The following FBXL7 variants were observed in gnomAD, a reference collection of about 807,000 sequenced individuals.
The protein encoded by FBXL7 is F-box/LRR-repeat protein 7.
A neutral mutation model predicts 38.3 loss-of-function variants in FBXL7; 12 were observed. The ratio of observed to expected loss-of-function variants is 0.31; its 90% confidence interval spans 0.20 to 0.51. The LOEUF (loss-of-function observed/expected upper bound fraction) is 0.51, where lower values mean the gene tolerates loss of function less well. Ranked by LOEUF, FBXL7 falls within the 20% of genes least tolerant of loss-of-function variation. The probability of loss-of-function intolerance (pLI) is 0.98; values close to 1 mark genes in which losing one functional copy is unlikely to be tolerated. For synonymous variants in FBXL7, 297 were observed against 300.9 expected, an observed-to-expected ratio of 0.99 and a Z score of 0.13; for missense variants, 567 against 676.4, an observed-to-expected ratio of 0.84 and a Z score of 1.79.
intron 2 of FBXL7, among the ~76,000 whole-genome samples, chr5:15,730,573 A>G (rs889005990): frequency 3.9e-5 from 6 of 152,330 alleles, no homozygotes; most frequent in South Asian, 2.1e-4. Context: ...ATTTCTGTCA[A>G]TGTGGACTAC....
chr5:15,730,080 A>G (rs1004765948), intron 2 of FBXL7, among the ~76,000 whole-genome samples: 2 of 152,196 alleles, frequency 1.3e-5, no homozygotes, highest in African/African-American at 4.8e-5. Flanking sequence ...TATCGAGTTA[A>G]CAAGTTCAAT....
intron 2 of FBXL7, among the ~76,000 whole-genome samples, chr5:15,822,407 C>T (rs2126765319): frequency 6.6e-6 from 1 of 152,060 alleles, no homozygotes; most frequent in South Asian, 2.1e-4. Flanking sequence ...GTGGAGTGTG[C>T]AGACTCAGGC....
chr5:15,639,991 A>G lies in FBXL7; in HGVS notation c.127+23919A>G, dbSNP rs76333154. On this transcript the variant is annotated intron_variant, in intron 2 of 3. Coordinates refer to ENST00000504595, the MANE Select transcript of FBXL7 (RefSeq NM_012304.5). ...TTGAGGCAGGGGCAGTTATCCTAGG[A>G]TATTTAGAAAAAGGCTTATTTTTCC... Among the ~76,000 whole-genome samples, 1,313 of 152,170 alleles carry G rather than the reference A, an allele frequency of 8.6e-3. 16 individuals are homozygous for G. Among genetic ancestry groups the G allele is most frequent in the African/African-American group, 0.03 (1,247 of 41,506 alleles).
rs552870826 is a variant in FBXL7 at position 15,545,587 on chromosome 5, A to G, written c.37+44874A>G. Among the ~76,000 whole-genome samples the G allele has an allele frequency of 2.6e-5, 4 of 152,232 alleles. No homozygotes were observed. In the South Asian group the frequency reaches 8.3e-4, roughly 32 times the overall value. On this transcript the variant is annotated intron_variant, in intron 1 of 3. Transcript: ENST00000504595. ...ATTTCCCCCTTTCCTTAATACTGGC[A>G]TATAATTTATTGGTTTATTGATTTG...
chr5:15,864,667 A>G (rs1739628528), intron 2 of FBXL7, among the ~76,000 whole-genome samples: 1 of 152,182 alleles, frequency 6.6e-6, no homozygotes, highest in Non-Finnish European at 1.5e-5. Flanking sequence ...AGTGTCACAG[A>G]ACAAGTAGAA....
intron 2 of FBXL7, among the ~76,000 whole-genome samples, chr5:15,660,631 T>A (rs1742032617): frequency 6.6e-6 from 1 of 152,232 alleles, no homozygotes; most frequent in South Asian, 2.1e-4. Context: ...GTGCTGGGAT[T>A]ACAGGCGTGA....
chr5:15,701,619 T>TA (rs1034802246), intron 2 of FBXL7, among the ~76,000 whole-genome samples: 1 of 151,876 alleles, frequency 6.6e-6, no homozygotes, highest in Non-Finnish European at 1.5e-5. Context: ...GATAGACATA[T>TA]AAAAAAAATT....
chr5:15,748,772 A>T (rs1453162654), intron 2 of FBXL7, among the ~76,000 whole-genome samples: 1 of 152,156 alleles, frequency 6.6e-6, no homozygotes. Flanking sequence ...ATGCAATCAT[A>T]GCTCACTGCA....
intron 2 of FBXL7, among the ~76,000 whole-genome samples, chr5:15,838,256 G>T (rs1738642517): frequency 6.6e-6 from 1 of 152,148 alleles, no homozygotes; most frequent in South Asian, 2.1e-4. Flanking sequence ...AATTTACATT[G>T]TACAGTTCTA....
At chr5:15,777,267 A>G (rs867657188) in intron 2 of FBXL7, among the ~76,000 whole-genome samples, 1 of 152,078 alleles carries the variant, frequency 6.6e-6, no homozygotes. Flanking sequence ...TTCACTCTAC[A>G]ATATGACTCC....
intron 1 of FBXL7, among the ~76,000 whole-genome samples, chr5:15,555,963 CATCTGTCTATCATCT>C (rs1261825182): frequency 1.4e-5 from 2 of 146,958 alleles, no homozygotes; most frequent in African/African-American, 5.0e-5. Flanking sequence ...ATCTATCTGT[CATCTGTCTATCATCT>C]ATCTATCTAT....
chr5:15,800,988 T>C (rs1452578352), intron 2 of FBXL7, among the ~76,000 whole-genome samples: 1 of 152,158 alleles, frequency 6.6e-6, no homozygotes, highest in Non-Finnish European at 1.5e-5. Context: ...CTAAAATCCA[T>C]AGGGCAGGAT....
intron 2 of FBXL7, among the ~76,000 whole-genome samples, chr5:15,660,636 G>A (rs1462020211): frequency 6.6e-6 from 1 of 152,168 alleles, no homozygotes; most frequent in Non-Finnish European, 1.5e-5. Context: ...GGGATTACAG[G>A]CGTGAGACAC....
intron 2 of FBXL7, among the ~76,000 whole-genome samples, chr5:15,810,751 T>C (rs1737839422): frequency 6.6e-6 from 1 of 152,152 alleles, no homozygotes; most frequent in South Asian, 2.1e-4. Flanking sequence ...AAAACTGAAA[T>C]GAAATAATAA....
chr5:15,808,408 C>T (rs531473593), intron 2 of FBXL7, among the ~76,000 whole-genome samples: 3 of 152,030 alleles, frequency 2.0e-5, no homozygotes, highest in Admixed American at 6.6e-5. Flanking sequence ...CATGGACTTG[C>T]GATAGCCAAT....
At chr5:15,629,484 G>A (rs2126538793) in intron 2 of FBXL7, among the ~76,000 whole-genome samples, 1 of 152,256 alleles carries the variant, frequency 6.6e-6, no homozygotes, top group Non-Finnish European at 1.5e-5. Flanking sequence ...TTCATTGGCT[G>A]CAAGGCTTTC....
intron 1 of FBXL7, among the ~76,000 whole-genome samples, chr5:15,567,774 G>A (rs1355978491): frequency 6.6e-6 from 1 of 151,540 alleles, no homozygotes; most frequent in Non-Finnish European, 1.5e-5. Flanking sequence ...AGGCCCTGGT[G>A]TGTGATGTTC....
At chr5:15,785,577 C>T (rs1365474246) in intron 2 of FBXL7, among the ~76,000 whole-genome samples, 1 of 152,202 alleles carries the variant, frequency 6.6e-6, no homozygotes, top group Non-Finnish European at 1.5e-5. Context: ...CTCCCTCCTC[C>T]ATCCCCAATT....
At chr5:15,544,651 G>A (rs1365793152) in intron 1 of FBXL7, among the ~76,000 whole-genome samples, 2 of 152,142 alleles carry the variant, frequency 1.3e-5, no homozygotes, top group African/African-American at 4.8e-5. Context: ...GGCCTAGGCT[G>A]ATGCTCATGA....
Sources: allele counts gnomAD v4.1 joint callset (sites outside exome capture counted in the v4.1 genomes callset), GRCh38; gene constraint gnomAD v4.1.1; transcripts MANE v1.5; gene names NCBI Gene and HGNC (gene_info 2026-07-23, HGNC 2026-07-21).